Variants in AMMECR1 observed in about 807,000 individuals in gnomAD.
AMMECR1 encodes the protein AMMECR nuclear protein 1.
Under a neutral mutation model 22.5 loss-of-function variants are expected in AMMECR1, and 3 were observed. That is an observed-to-expected ratio of 0.13 (90% CI 0.06 to 0.35). The LOEUF (loss-of-function observed/expected upper bound fraction) is 0.35. Ranked by LOEUF, AMMECR1 falls within the 10% of genes least tolerant of loss-of-function variation. AMMECR1 has a pLI of 1.00. For missense variants in AMMECR1, 235 were observed against 278.7 expected (o/e 0.84, Z 1.12); for synonymous variants, 130 against 116.7 (o/e 1.11, Z -0.74).
intron 1 of AMMECR1, among the ~76,000 whole-genome samples, chrX:110,278,148 TAGA>T (rs1165002560): frequency 8.9e-6 from 1 of 111,972 alleles, no homozygotes; most frequent in East Asian, 2.8e-4. Flanking sequence ...GCCATATCTA[TAGA>T]AGGACAGTCA....
chrX:110,202,940 C>T (rs1456691934), intron 3 of AMMECR1, among the ~76,000 whole-genome samples: 2 of 111,913 alleles, frequency 1.8e-5, no homozygotes, highest in African/African-American at 6.5e-5. Flanking sequence ...GGTACACTCA[C>T]CACTTCTGAT....
chrX:110,371,545 C>T (rs1350340821), intron 2 of AMMECR1, among the ~76,000 whole-genome samples: 1 of 111,593 alleles, frequency 9.0e-6, no homozygotes, highest in African/African-American at 3.3e-5. Context: ...CCCCCACTAC[C>T]TTCCCAGCCT....
intron 2 of AMMECR1, among the ~76,000 whole-genome samples, chrX:110,359,955 G>A (rs6642761): frequency 8.9e-6 from 1 of 111,836 alleles, no homozygotes; most frequent in East Asian, 2.8e-4. Context: ...TGGGAATGGT[G>A]TGCATTAAAG....
intron 2 of AMMECR1, among the ~76,000 whole-genome samples, chrX:110,224,747 T>G (rs951825775): frequency 3.6e-5 from 4 of 111,147 alleles, no homozygotes; most frequent in African/African-American, 1.3e-4. Flanking sequence ...TAAATCATGT[T>G]TGATGGATTT....
At chrX:110,435,114 AGGAAGGAGGGAGGGAGGGGG>A (rs2068828198) in intron 1 of AMMECR1, among the ~76,000 whole-genome samples, 1 of 34,143 alleles carries the variant, frequency 2.9e-5, no homozygotes, top group African/African-American at 1.2e-4. Flanking sequence ...AGGGGGGAGG[AGGAAGGAGGGAGGGAGGGGG>A]AAGAAGGAGG....
At chrX:110,336,118 C>A (rs1457830116) in intron 2 of AMMECR1, among the ~76,000 whole-genome samples, 2 of 111,579 alleles carry the variant, frequency 1.8e-5, no homozygotes, top group African/African-American at 6.5e-5. Context: ...AAAAATCTCT[C>A]AAAAATGGAG....
chrX:110,322,124 T>A (rs2068081225), upstream of AMMECR1, among the ~76,000 whole-genome samples: 1 of 112,623 alleles, frequency 8.9e-6, no homozygotes, highest in South Asian at 3.7e-4. Context: ...TTACATCTTC[T>A]ATTGTCAACT....
intron 2 of AMMECR1, among the ~76,000 whole-genome samples, chrX:110,323,776 C>G (rs891316768): frequency 3.6e-5 from 4 of 111,645 alleles, no homozygotes; most frequent in Non-Finnish European, 7.5e-5. Flanking sequence ...TCATTTCTCT[C>G]ATTTACCTAG....
At chrX:110,247,582 T>C (rs999379872) in intron 2 of AMMECR1, among the ~76,000 whole-genome samples, 3 of 110,907 alleles carry the variant, frequency 2.7e-5, no homozygotes, top group Non-Finnish European at 5.7e-5. Flanking sequence ...TCCCAGCTAC[T>C]TGGGTGGCTG....
intron 2 of AMMECR1, among the ~76,000 whole-genome samples, chrX:110,333,037 G>T (rs2068126789): frequency 8.9e-6 from 1 of 111,963 alleles, no homozygotes; most frequent in South Asian, 3.7e-4. Flanking sequence ...GAGTGGCACA[G>T]AAGCAGCTAC....
At chrX:110,320,164 A>G (rs779486657), upstream of AMMECR1, among the ~76,000 whole-genome samples, 11 of 112,205 alleles carry the variant, frequency 9.8e-5, no homozygotes, top group Non-Finnish European at 1.3e-4. Flanking sequence ...GTCAATTACT[A>G]GTGGAGTAAA....
intron 1 of AMMECR1, among the ~76,000 whole-genome samples, chrX:110,288,035 G>C (rs1289055229): frequency 8.9e-6 from 1 of 112,170 alleles, no homozygotes; most frequent in Non-Finnish European, 1.9e-5. Flanking sequence ...TAAATGATAA[G>C]AAAATAGCTA....
intron 2 of AMMECR1, among the ~76,000 whole-genome samples, chrX:110,325,354 A>T (rs143544459): frequency 0.017 from 1,890 of 111,756 alleles, 9 homozygotes; most frequent in Non-Finnish European, 0.023. Context: ...ATTATTGTTG[A>T]CTATTGTGCT....
chrX:110,283,863 T>C (rs558493768), intron 1 of AMMECR1, among the ~76,000 whole-genome samples: 1 of 112,108 alleles, frequency 8.9e-6, no homozygotes, highest in South Asian at 3.8e-4. Context: ...GGCTCACACC[T>C]GTAATCCCAA....
intron 4 of AMMECR1, among the ~76,000 whole-genome samples, chrX:110,201,591 T>A (rs1159809251): frequency 1.8e-5 from 2 of 111,907 alleles, no homozygotes; most frequent in East Asian, 5.6e-4. Flanking sequence ...CTTTTATGTA[T>A]GCTTTACAAA....
chrX:110,374,929 T>C (rs1055619422), intron 2 of AMMECR1, among the ~76,000 whole-genome samples: 7 of 110,986 alleles, frequency 6.3e-5, no homozygotes, highest in Non-Finnish European at 1.3e-4. Flanking sequence ...CAATTGGAAG[T>C]CCCTTCAGCC....
chrX:110,200,406 G>A (rs1409933029), intron 5 of AMMECR1, among the ~76,000 whole-genome samples: 3 of 112,037 alleles, frequency 2.7e-5, no homozygotes, highest in Non-Finnish European at 5.6e-5. Context: ...TAGTTTTATG[G>A]AATTGAAATA....
intron 2 of AMMECR1, among the ~76,000 whole-genome samples, chrX:110,345,334 G>A (rs1345506291): frequency 9.3e-6 from 1 of 107,711 alleles, no homozygotes; most frequent in Non-Finnish European, 1.9e-5. Flanking sequence ...ATCACACACC[G>A]GGGCCTGTTG....
intron 1 of AMMECR1, among the ~76,000 whole-genome samples, chrX:110,306,250 C>T (rs914550551): frequency 2.7e-5 from 3 of 110,112 alleles, no homozygotes; most frequent in Non-Finnish European, 5.7e-5. Context: ...GCCAAGATCA[C>T]GCCACTGCAC....
Sources: allele counts gnomAD v4.1 joint callset (sites outside exome capture counted in the v4.1 genomes callset), GRCh38; gene constraint gnomAD v4.1.1; transcripts MANE v1.5; gene names NCBI Gene and HGNC (gene_info 2026-07-23, HGNC 2026-07-21).